The following ADGRV1 variants were observed in gnomAD, a reference collection of about 807,000 sequenced individuals.
ADGRV1 encodes the protein G-protein coupled receptor 98.
A neutral mutation model predicts 596.2 loss-of-function variants in ADGRV1; 359 were observed. The ratio of observed to expected loss-of-function variants is 0.60; its 90% CI spans 0.55 to 0.66. The LOEUF is 0.66. Among genes scored for constraint, ADGRV1 ranks in the 30% least tolerant of loss-of-function variants. The probability of loss-of-function intolerance (pLI) is 0.00; values close to 1 mark genes in which losing one functional copy is unlikely to be tolerated. For missense variants in ADGRV1, 7,274 were observed against 7,575.6 expected (o/e 0.96, Z 1.48); for synonymous variants, 2,681 against 2,679.2 (o/e 1.00, Z -0.02).
chr5:90,665,545 C>G (rs375696109), intron 21 of ADGRV1, among the ~76,000 whole-genome samples: 5 of 150,884 alleles, frequency 3.3e-5, no homozygotes, highest in South Asian at 2.1e-4. Flanking sequence ...TTTATTTTGT[C>G]GATCCTTTCA....
chr5:91,103,971 G>A (rs539628308), intron 87 of ADGRV1, among the ~76,000 whole-genome samples: 175 of 152,272 alleles, frequency 1.1e-3, no homozygotes, highest in African/African-American at 4.1e-3. Context: ...GAGACAGAAA[G>A]GGTAGATTGG....
chr5:91,123,656 C>T (rs373901392), intron 87 of ADGRV1, among the ~76,000 whole-genome samples: 3 of 152,162 alleles, frequency 2.0e-5, no homozygotes, highest in Non-Finnish European at 4.4e-5. Context: ...TTATAAATCT[C>T]GTTTTCTGAA....
chr5:90,752,541 A>C (rs1345799816), intron 53 of ADGRV1, among the ~76,000 whole-genome samples: 2 of 152,172 alleles, frequency 1.3e-5, no homozygotes, highest in Non-Finnish European at 2.9e-5. Context: ...TATAAGTGAG[A>C]ACATGTGGTA....
chr5:90,850,855 A>T (rs1325464066), intron 79 of ADGRV1: 1 of 152,148 alleles, frequency 6.6e-6, no homozygotes, highest in African/African-American at 2.4e-5. Context: ...TGCTGTATTC[A>T]CTGGGCCTAG....
chr5:90,855,620 G>A (rs138432920), intron 81 of ADGRV1, 121 bp from the exon 82 acceptor site: 2 of 621,680 alleles, frequency 3.2e-6, no homozygotes, highest in East Asian at 5.4e-5. Flanking sequence ...TTGAAAATGT[G>A]GTCTACTTAA....
intron 87 of ADGRV1, among the ~76,000 whole-genome samples, chr5:91,107,093 G>A (rs1791942462): frequency 6.6e-6 from 1 of 152,154 alleles, no homozygotes; most frequent in African/African-American, 2.4e-5. Flanking sequence ...CCCACACCCA[G>A]AGTTTCTGAT....
rs73179321 is a variant in ADGRV1 at position 90,823,381 on chromosome 5, G to A, written c.16197-44G>A. 3.5e-3 allele frequency: 5,560 copies of A among 1,590,418 alleles called. 183 individuals carry two copies. The African/African-American group carries it at 0.068, about 19-fold the overall frequency. ...GATAATAAACTCTATTAGACATGGG[G>A]ATGACACCCTCTGTTAAGGCATTGG... On this transcript the variant is annotated intron_variant, in intron 75 of 89. Transcript: ENST00000405460.
At chr5:90,965,982 G>A (rs760460178) in intron 84 of ADGRV1, among the ~76,000 whole-genome samples, 9 of 152,244 alleles carry the variant, frequency 5.9e-5, no homozygotes, top group East Asian at 1.9e-4. Flanking sequence ...TCATGGTAGC[G>A]TGAACTAAGG....
intron 83 of ADGRV1, among the ~76,000 whole-genome samples, chr5:90,923,048 G>A (rs1431608564): frequency 6.6e-6 from 1 of 152,030 alleles, no homozygotes; most frequent in African/African-American, 2.4e-5. Flanking sequence ...TAGAATTTGG[G>A]TGTTTTCAGC....
chr5:90,813,403 G>A (rs1762633252), intron 74 of ADGRV1, among the ~76,000 whole-genome samples: 1 of 151,970 alleles, frequency 6.6e-6, no homozygotes, highest in South Asian at 2.1e-4. Flanking sequence ...GACTCTTTAG[G>A]GGCTCAGGAT....
At position 90,728,696 on chromosome 5, in the gene ADGRV1, G is replaced by T. The variant is rs771134670; in HGVS notation, c.10189G>T (p.Val3397Leu). Residue 3397 changes from valine to leucine, a missense_variant, in exon 49 of 90, where the codon GTG (valine) becomes TTG (leucine). Coordinates refer to ENST00000405460, the MANE Select transcript of ADGRV1 (RefSeq NM_032119.4). ...QVFRWNGGSF[V>L]LHQKLPVRGV... ...CTTCAGGTGGAATGGAGGAAGCTTCGTGTTGCATCAAAAACTCCCTGTCCG... is the reference window on the plus strand; with the variant it reads ...CTTCAGGTGGAATGGAGGAAGCTTCTTGTTGCATCAAAAACTCCCTGTCCG... 1.2e-6 allele frequency: 2 copies of T among 1,611,908 alleles called. No homozygotes were observed. Among genetic ancestry groups the T allele is most frequent in the Non-Finnish European group, 1.7e-6 (2 of 1,178,312 alleles).
chr5:90,572,173 G>A (rs1304296476), intron 1 of ADGRV1, among the ~76,000 whole-genome samples: 9 of 152,076 alleles, frequency 5.9e-5, no homozygotes, highest in Non-Finnish European at 1.2e-4. Flanking sequence ...TGTAGAGAAG[G>A]CTGATTGGAA....
At chr5:90,859,153 A>G (rs775262581) in intron 82 of ADGRV1, among the ~76,000 whole-genome samples, 2 of 152,048 alleles carry the variant, frequency 1.3e-5, no homozygotes, top group Non-Finnish European at 2.9e-5. Context: ...GAGTGAGGCA[A>G]GTGGGCGCAG....
intron 4 of ADGRV1, among the ~76,000 whole-genome samples, chr5:90,622,042 CGT>C (rs1340868377): frequency 6.6e-6 from 1 of 152,156 alleles, no homozygotes; most frequent in Non-Finnish European, 1.5e-5. Flanking sequence ...TGGCTGTGTC[CGT>C]GTTCCTCCTC....
intron 67 of ADGRV1, among the ~76,000 whole-genome samples, chr5:90,784,328 T>C (rs1759191138): frequency 6.6e-6 from 1 of 152,166 alleles, no homozygotes; most frequent in African/African-American, 2.4e-5. Flanking sequence ...GTTGAGTGCT[T>C]TCTGTGTGTC....
At position 90,788,255 on chromosome 5, in the gene ADGRV1, A is replaced by C. The variant is rs775508830; in HGVS notation, c.13838A>C (p.His4613Pro). Residue 4613 changes from histidine (H) to proline (P), a missense_variant, in exon 68 of 90, where the codon CAT becomes CCT. His to Pro is a moderately conservative substitution (Grantham distance 77). Around this residue, in one of 5 missense-constraint regions of ADGRV1, gnomAD observed 3,643 missense variants for 3,809.2 expected, o/e 0.96. Coordinates refer to ENST00000405460, the MANE Select transcript of ADGRV1 (RefSeq NM_032119.4). Reference protein sequence around the residue: ...EVEETFIIKLHLVKGEAKLDS... With the variant: ...EVEETFIIKLPLVKGEAKLDS... ...GAAGAGACATTCATTATTAAACTTC[A>C]TCTTGTGAAAGGAGAAGCTAAATTA... The C allele has an allele frequency of 3.1e-6, 5 of 1,612,522 alleles. No individual in the cohort carries two copies. The African/African-American group carries it at 4.0e-5, about 13-fold the overall frequency.
intron 89 of ADGRV1, 105 bp downstream of exon 89, chr5:91,153,503 A>G: frequency 2.8e-6 from 2 of 702,518 alleles, no homozygotes; most frequent in South Asian, 6.1e-5. Flanking sequence ...CACCCTTAGC[A>G]CATCCTGATT....
At chr5:90,645,842 C>T in intron 15 of ADGRV1, 126 bp from the exon 16 acceptor site, 1 of 678,488 alleles carries the variant, frequency 1.5e-6, no homozygotes. Flanking sequence ...AGTTCTGCCT[C>T]CGAAAAGGAA....
chr5:91,099,836 T>G lies in ADGRV1; in HGVS notation c.18311-2383T>G, dbSNP rs556257814. 2.5e-3 allele frequency among the ~76,000 whole-genome samples: 383 copies of G among 152,270 alleles called. 1 individual carries two copies. Among genetic ancestry groups the G allele is most frequent in the African/African-American group, 8.8e-3 (365 of 41,546 alleles). On this transcript the variant is annotated intron_variant, in intron 86 of 89. Coordinates refer to ENST00000405460, the MANE Select transcript of ADGRV1 (RefSeq NM_032119.4). Reference sequence around the variant, plus strand: ...AAATGAACTAATGAATTTCAATATATAGAGATAGATAGAGTAAAACAGATC... The same window carrying G: ...AAATGAACTAATGAATTTCAATATAGAGAGATAGATAGAGTAAAACAGATC...
Sources: allele counts gnomAD v4.1 joint callset (sites outside exome capture counted in the v4.1 genomes callset), GRCh38; gene constraint gnomAD v4.1.1; regional missense constraint gnomAD v4.1.1; transcripts MANE v1.5; gene names NCBI Gene and HGNC (gene_info 2026-07-23, HGNC 2026-07-21).